MROH1: variants seen among roughly 807,000 people sequenced by gnomAD.
The protein encoded by MROH1 is maestro heat-like repeat-containing protein family member 1.
A neutral mutation model predicts 116.5 loss-of-function variants in MROH1; 117 were observed. That is an observed-to-expected ratio of 1.00 (90% CI 0.86 to 1.17). The LOEUF is 1.17. Ranked by LOEUF, MROH1 falls within the 50% of genes most tolerant of loss-of-function variation. MROH1 has a pLI of 0.00. For synonymous variants in MROH1, 921 were observed against 583.9 expected (o/e 1.58, Z -8.32); for missense variants, 1,873 against 1,338.5 (o/e 1.40, Z -6.23).
chr8:144,242,668 C>T (rs1280860563), intron 24 of MROH1, 40 bp downstream of exon 24: 10 of 771,764 alleles, frequency 1.3e-5, no homozygotes, highest in Non-Finnish European at 2.2e-5. Context: ...TGGCTTCTCT[C>T]CTCTCGGCTC....
chr8:144,256,116 T>C (rs1245087728), intron 35 of MROH1, among the ~76,000 whole-genome samples: 2 of 152,028 alleles, frequency 1.3e-5, no homozygotes, highest in East Asian at 1.9e-4. Flanking sequence ...GAGCGGCCTT[T>C]GGCACGTGTT....
intron 14 of MROH1, among the ~76,000 whole-genome samples, chr8:144,225,865 G>C (rs1837691313): frequency 7.7e-6 from 1 of 130,198 alleles, no homozygotes; most frequent in African/African-American, 2.8e-5. Flanking sequence ...TGGCCTAAAA[G>C]TTTTAAGTTT....
chr8:144,177,765 G>C (rs909162046), intron 4 of MROH1, among the ~76,000 whole-genome samples: 3 of 97,288 alleles, frequency 3.1e-5, no homozygotes, highest in Non-Finnish European at 6.3e-5. Flanking sequence ...CTGGTTGTTT[G>C]AAAGCATGTG....
chr8:144,177,441 T>C (rs572109404), intron 4 of MROH1, among the ~76,000 whole-genome samples: 1 of 152,270 alleles, frequency 6.6e-6, no homozygotes, highest in Non-Finnish European at 1.5e-5. Context: ...CTTCCTACTA[T>C]TGTTTCTCCT....
chr8:144,235,295 G>A (rs1328109191), intron 14 of MROH1, among the ~76,000 whole-genome samples: 1 of 152,178 alleles, frequency 6.6e-6, no homozygotes, highest in East Asian at 1.9e-4. Flanking sequence ...TATAAGGATT[G>A]TGTCATCTAC....
intron 1 of MROH1, among the ~76,000 whole-genome samples, chr8:144,155,068 G>A (rs1251243336): frequency 2.0e-5 from 3 of 151,784 alleles, no homozygotes; most frequent in Admixed American, 6.6e-5. Context: ...CACCCACCTC[G>A]GCGTCCTAAA....
intron 35 of MROH1, among the ~76,000 whole-genome samples, chr8:144,257,255 G>C (rs1034762634): frequency 6.6e-6 from 1 of 152,148 alleles, no homozygotes; most frequent in Admixed American, 6.5e-5. Context: ...CTGCCTTCTC[G>C]TACGTCCGAC....
chr8:144,250,412 C>T, intron 33 of MROH1, 46 bp downstream of exon 33: 1 of 728,030 alleles, frequency 1.4e-6, no homozygotes, highest in Non-Finnish European at 2.5e-6. Flanking sequence ...TGGAATGATG[C>T]TCCCCCTGGA....
chr8:144,203,567 G>C (rs1482998170), intron 12 of MROH1, among the ~76,000 whole-genome samples: 1 of 151,384 alleles, frequency 6.6e-6, no homozygotes, highest in Non-Finnish European at 1.5e-5. Flanking sequence ...GGGGAAGAGA[G>C]AGAAGCGCAG....
intron 39 of MROH1, 132 bp from the exon 40 acceptor site, chr8:144,260,545 G>C (rs1354772743): frequency 4.0e-6 from 3 of 750,788 alleles, no homozygotes; most frequent in East Asian, 4.9e-5. Flanking sequence ...GCCCCCACCC[G>C]TAAGGCCCCC....
intron 1 of MROH1, among the ~76,000 whole-genome samples, chr8:144,153,706 A>G (rs1817384604): frequency 6.6e-6 from 1 of 152,094 alleles, no homozygotes; most frequent in Non-Finnish European, 1.5e-5. Flanking sequence ...TCCTAATTTC[A>G]TTTCCTCTGG....
intron 1 of MROH1, among the ~76,000 whole-genome samples, chr8:144,160,318 A>ACGCTTTC (rs1421481550): frequency 1.3e-5 from 2 of 152,038 alleles, no homozygotes; most frequent in Admixed American, 1.3e-4. Context: ...ATGAGTCATG[A>ACGCTTTC]CGCTTTCCAC....
chr8:144,242,108 C>CTACCTCGGCCCTTGGCCCTCTGT (rs1841107873), intron 22 of MROH1: 1 of 579,410 alleles, frequency 1.7e-6, no homozygotes, highest in Non-Finnish European at 3.1e-6. Context: ...CGGCCCTCTG[C>CTACCTCGGCCCTTGGCCCTCTGT]TACCTCGGCC....
At chr8:144,218,419 G>A (rs1835753020) in intron 12 of MROH1, among the ~76,000 whole-genome samples, 1 of 152,000 alleles carries the variant, frequency 6.6e-6, no homozygotes, top group African/African-American at 2.4e-5. Flanking sequence ...CCGTCATCCT[G>A]TGTCTCTCTG....
intron 29 of MROH1, 78 bp from the exon 30 acceptor site, chr8:144,247,223 C>T: frequency 1.4e-6 from 1 of 722,158 alleles, no homozygotes; most frequent in Non-Finnish European, 2.5e-6. Flanking sequence ...ACACTCCAGC[C>T]CTCCTCTGGG....
intron 10 of MROH1, 86 bp from the exon 11 acceptor site, chr8:144,199,036 G>A (rs1306496920): frequency 1.1e-5 from 15 of 1,320,786 alleles, no homozygotes; most frequent in Non-Finnish European, 1.6e-5. Context: ...CTTCTGCCCA[G>A]CTGCCCAGGC....
intron 14 of MROH1, among the ~76,000 whole-genome samples, chr8:144,233,315 T>C (rs1718226890): frequency 7.5e-6 from 1 of 132,710 alleles, no homozygotes; most frequent in Admixed American, 8.1e-5. Context: ...CATTAAATGC[T>C]AACTCCCATT....
chr8:144,175,237 G>A (rs1823526665), intron 4 of MROH1: 2 of 882,168 alleles, frequency 2.3e-6, no homozygotes, highest in Non-Finnish European at 2.7e-6. Context: ...GCCCCTCCCA[G>A]CAGCGGGTCC....
In MROH1 at chr8:144,190,907, A is replaced by G. The variant is rs200799084; in HGVS notation, c.686A>G (p.His229Arg). ...TTCAGCGCCTACGATGTTCTCTTCC[A>G]TCAGTGGCTGCAGAGTCGAGAAGCC... Reference protein sequence around the residue: ...DIFSAYDVLFHQWLQSREAKL... With the variant: ...DIFSAYDVLFRQWLQSREAKL... Residue 229 changes from histidine to arginine, a missense_variant, in exon 8 of 44, where the codon CAT becomes CGT. His to Arg is a conservative substitution (Grantham distance 29, BLOSUM62 0). Transcript: ENST00000326134. The G allele has an allele frequency of 1.4e-4, 221 of 1,613,500 alleles. No homozygotes were observed. The highest frequency in any genetic ancestry group is 1.8e-4 in the Non-Finnish European group (208 of 1,179,880).
Sources: gnomAD v4.1 joint callset for allele counts (sites outside exome capture counted in the v4.1 genomes callset) on GRCh38, gnomAD v4.1.1 for gene constraint, MANE v1.5 for transcripts, NCBI Gene and HGNC (gene_info 2026-07-23, HGNC 2026-07-21) for gene names.